Variants in OTOG observed in about 807,000 individuals in gnomAD.
OTOG encodes otogelin.
Under a neutral mutation model 313.8 loss-of-function variants are expected in OTOG, and 296 were observed. That is an observed-to-expected ratio of 0.94 (90% CI 0.86 to 1.04). The LOEUF is 1.04. OTOG is among the 50% of genes least tolerant of loss of function. The pLI, the probability that OTOG is intolerant of heterozygous loss-of-function variation, is 0.00. For missense variants in OTOG, 3,948 were observed against 3,840.1 expected (o/e 1.03, Z -0.74); for synonymous variants, 1,533 against 1,554.9 (o/e 0.99, Z 0.33).
rs1353369576 is a variant in OTOG, at chr11:17,633,740, A to G, written c.7133A>G (p.Lys2378Arg). 2 of 1,550,384 alleles carry G rather than the reference A, an allele frequency of 1.3e-6. No individual in the cohort carries two copies. Among genetic ancestry groups the G allele is most frequent in the Admixed American group, 2.0e-5 (1 of 50,976 alleles). ...QACVTACEPPKTCQDGILGPL... is the reference protein window; with the variant it reads ...QACVTACEPPRTCQDGILGPL... ...TGTGTGACAGCCTGTGAGCCACCCA[A>G]GACATGCCAGGATGGGATACTAGGG... The change falls in exon 43 of 56, where the codon AAG (lysine) becomes AGG (arginine). Residue 2378 changes from lysine to arginine, a missense_variant. Lys to Arg is a conservative substitution (Grantham distance 26). Coordinates refer to ENST00000399397, the MANE Select transcript of OTOG (RefSeq NM_001292063.2).
At chr11:17,556,942 A>G (rs2134003820) in intron 7 of OTOG, among the ~76,000 whole-genome samples, 176 bp from the exon 8 acceptor site, 1 of 152,330 alleles carries the variant, frequency 6.6e-6, no homozygotes, top group Non-Finnish European at 1.5e-5. Flanking sequence ...ATTTCTAAAG[A>G]CAAAAGAATC....
chr11:17,559,447 A>C, intron 11 of OTOG, 87 bp from the exon 12 acceptor site: 1 of 1,513,424 alleles, frequency 6.6e-7, no homozygotes, highest in Non-Finnish European at 8.9e-7. Context: ...CCTCCCTCCC[A>C]TCCTCACTCC....
At position 17,584,796 on chromosome 11, in the gene OTOG, G is replaced by C. The variant is rs1220520223; in HGVS notation, c.2760-1678G>C. On this transcript the variant is annotated intron_variant, in intron 23 of 55. Transcript: ENST00000399397. Reference sequence around the variant, plus strand: ...CCACCTTGGCCTTCCAAAGTGCTGGGATTATAAACATGAGCCACCGCACCA... The same window carrying C: ...CCACCTTGGCCTTCCAAAGTGCTGGCATTATAAACATGAGCCACCGCACCA... Among the ~76,000 whole-genome samples the C allele has an allele frequency of 1.3e-5, 2 of 152,184 alleles. 1 individual carries two copies. Among genetic ancestry groups the C allele is most frequent in the Admixed American group, 1.3e-4 (2 of 15,284 alleles).
At position 17,611,222 on chromosome 11, in the gene OTOG, C is replaced by G. The variant is rs539143651; in HGVS notation, c.5922C>G (p.Ala1974=). The change falls in exon 36 of 56, where the codon GCC becomes GCG. Residue 1974 remains alanine, a synonymous_variant. Coordinates refer to ENST00000399397, the MANE Select transcript of OTOG (RefSeq NM_001292063.2). ...TGAGCCGTGTCTCAGCCAGGACGGCCCCCCAAGACAGCATGCTGGTTCTGT... is the reference window on the plus strand; with the variant it reads ...TGAGCCGTGTCTCAGCCAGGACGGCGCCCCAAGACAGCATGCTGGTTCTGT... ...YALSRVSART[A]PQDSMLVLLP... is the part of the protein sequence containing the mutation. 209 of 1,550,570 alleles carry G rather than the reference C, an allele frequency of 1.3e-4. 1 individual carries two copies. The South Asian group carries it at 2.2e-3, about 17-fold the overall frequency.
At chr11:17,593,817 C>T (rs2134061584) in intron 27 of OTOG, 61 bp downstream of exon 27, 5 of 1,527,994 alleles carry the variant, frequency 3.3e-6, no homozygotes, top group Non-Finnish European at 4.4e-6. Flanking sequence ...CCTGGGTGTC[C>T]TTGGGTGAGC....
intron 39 of OTOG, among the ~76,000 whole-genome samples, chr11:17,628,384 T>C (rs929263532): frequency 6.6e-6 from 1 of 152,252 alleles, no homozygotes; most frequent in Non-Finnish European, 1.5e-5. Context: ...TCATTATAAA[T>C]ACTTTAAAAT....
rs535485307 is a variant in OTOG, at chr11:17,589,329, ACCT to A, written c.2868-2115_2868-2113del. Among the ~76,000 whole-genome samples the A allele has an allele frequency of 4.3e-3, 642 of 149,726 alleles. 4 individuals carry two copies. Among genetic ancestry groups the A allele is most frequent in the African/African-American group, 0.015 (607 of 40,674 alleles). On this transcript the variant is annotated intron_variant, in intron 24 of 55. Transcript: ENST00000399397. ...TCTCCTCTCTCCTCAAAGCCCTGAC[ACCT>A]CCTCCCCTCTTATTCTCAGCTGATG...
chr11:17,553,254 G>A (rs1034466102), intron 5 of OTOG, 43 bp downstream of exon 5: 70 of 1,543,014 alleles, frequency 4.5e-5, no homozygotes, highest in Non-Finnish European at 5.5e-5. Context: ...GGACCTGGGT[G>A]CAGGGAAAGC....
intron 6 of OTOG, among the ~76,000 whole-genome samples, chr11:17,553,901 G>A (rs1476519850): frequency 6.6e-6 from 1 of 152,206 alleles, no homozygotes; most frequent in Non-Finnish European, 1.5e-5. Context: ...GTGCAAATGA[G>A]TGCTATGGAG....
rs1269200329 is a variant in OTOG at position 17,612,318 on chromosome 11, T to A, written c.6280T>A (p.Trp2094Arg). The change falls in exon 37 of 56, where the codon TGG (tryptophan) becomes AGG (arginine). Residue 2094 changes from tryptophan (W) to arginine (R), a missense_variant. Trp to Arg is a moderately radical substitution (Grantham distance 101, BLOSUM62 -3). Coordinates refer to ENST00000399397, the MANE Select transcript of OTOG (RefSeq NM_001292063.2). The part of the protein sequence containing the change: ...RVGGDRCCPL[W>R]ECACRCSIFP... ...GGGTGGGGACCGCTGCTGCCCACTC[T>A]GGGAGTGTGCCTGTGAGTCATGGGA... 1.3e-6 allele frequency: 2 copies of A among 1,535,052 alleles called. No homozygotes were observed. Among genetic ancestry groups the A allele is most frequent in the Non-Finnish European group, 1.7e-6 (2 of 1,144,644 alleles).
chr11:17,635,677 T>C lies in OTOG; in HGVS notation c.7761T>C (p.Asn2587=), dbSNP rs1565128554. The change falls in exon 47 of 56, where the codon AAT becomes AAC. Residue 2587 remains asparagine (N), a synonymous_variant. Transcript: ENST00000399397. ...GGGAGGCGCTCACTGTGCACAGGAATACCACGGAACTCTGCTGCCCTCTGT... is the reference window on the plus strand; with the variant it reads ...GGGAGGCGCTCACTGTGCACAGGAACACCACGGAACTCTGCTGCCCTCTGT... ...QEGEALTVHR[N]TTELCCPLYQ... 1.9e-6 allele frequency: 3 copies of C among 1,550,582 alleles called. No individual in the cohort carries two copies. Among genetic ancestry groups the C allele is most frequent in the African/African-American group, 2.7e-5 (2 of 73,170 alleles).
intron 40 of OTOG, 105 bp from the exon 41 acceptor site, chr11:17,631,597 G>GT: frequency 1.1e-6 from 1 of 911,610 alleles, no homozygotes; most frequent in Admixed American, 2.4e-5. Context: ...GGGGATAATG[G>GT]TATTATTGAC....
chr11:17,602,155 A>G, intron 31 of OTOG, 55 bp from the exon 32 acceptor site: 7 of 1,535,726 alleles, frequency 4.6e-6, no homozygotes, highest in Non-Finnish European at 6.1e-6. Context: ...GGCAGGAGGT[A>G]TGGGAGGTGG....
At chr11:17,556,953 C>T (rs1852068640) in intron 7 of OTOG, among the ~76,000 whole-genome samples, 165 bp from the exon 8 acceptor site, 2 of 152,248 alleles carry the variant, frequency 1.3e-5, no homozygotes, top group South Asian at 2.1e-4. Context: ...CAAAAGAATC[C>T]ATCTCTAATG....
At chr11:17,586,614 T>A (rs1263809250) in intron 24 of OTOG, 33 bp downstream of exon 24, 1 of 1,243,986 alleles carries the variant, frequency 8.0e-7, no homozygotes, top group Non-Finnish European at 1.1e-6. Flanking sequence ...CTTTGCTTTT[T>A]TGCTGGGAGG....
intron 32 of OTOG, among the ~76,000 whole-genome samples, chr11:17,604,327 G>GA (rs1480891814): frequency 1.3e-5 from 2 of 152,342 alleles, no homozygotes; most frequent in East Asian, 3.9e-4. Flanking sequence ...CCGCCTTCTT[G>GA]AAGGAGGAAG....
chr11:17,613,249 TTCTTTCTTTCTTTCTTTC>T (rs1229921268), intron 38 of OTOG, among the ~76,000 whole-genome samples: 3 of 116,630 alleles, frequency 2.6e-5, no homozygotes, highest in African/African-American at 8.2e-5. Context: ...CTTTCTTTCT[TTCTTTCTTTCTTTCTTTC>T]TCTCTCTGTC....
At chr11:17,605,620 G>A (rs1276934369) in intron 32 of OTOG, among the ~76,000 whole-genome samples, 2 of 152,114 alleles carry the variant, frequency 1.3e-5, no homozygotes, top group African/African-American at 2.4e-5. Context: ...TTACCTTCCC[G>A]AGGCTTAGCA....
intron 32 of OTOG, among the ~76,000 whole-genome samples, chr11:17,603,668 G>A (rs1438468786): frequency 6.6e-6 from 1 of 152,166 alleles, no homozygotes; most frequent in Non-Finnish European, 1.5e-5. Flanking sequence ...CCAAGGAAAG[G>A]TGCCTTCCAG....
Sources: allele counts gnomAD v4.1 joint callset (sites outside exome capture counted in the v4.1 genomes callset), GRCh38; gene constraint gnomAD v4.1.1; transcripts MANE v1.5; gene names NCBI Gene and HGNC (gene_info 2026-07-23, HGNC 2026-07-21).